TGFB1I1: variants seen among roughly 807,000 people sequenced by gnomAD.
TGFB1I1 encodes the protein transforming growth factor beta 1 induced transcript 1.
TGFB1I1 carries 33 observed loss-of-function variants against 52.0 expected under a neutral mutation model. The ratio of observed to expected loss-of-function variants is 0.63; its 90% CI spans 0.48 to 0.85. The LOEUF is 0.85. TGFB1I1 is among the 40% of genes least tolerant of loss of function. The pLI, the probability that TGFB1I1 is intolerant of heterozygous loss-of-function variation, is 0.00. For synonymous variants in TGFB1I1, 236 were observed against 253.3 expected (o/e 0.93, Z 0.65); for missense variants, 577 against 614.9 (o/e 0.94, Z 0.65).
rs45523034 is a variant in TGFB1I1, at chr16:31,473,263, G to T, written c.14-178G>T. The stretch of plus-strand genomic sequence containing the variant: ...CTTGGCTCCAAGCGTGAGCAACTGG[G>T]ATATTCTGGTCATAAATATTCCTTG... On this transcript the variant is annotated intron_variant, in intron 1 of 10. Transcript: ENST00000394863. 4,849 of 1,417,266 alleles carry T rather than the reference G, an allele frequency of 3.4e-3. 14 individuals carry two copies. The highest frequency in any genetic ancestry group is 4.1e-3 in the Non-Finnish European group (4,489 of 1,088,666). 87.8% of individuals were successfully genotyped at this position (1,417,266 alleles called of 1,614,324 possible).
chr16:31,476,919 C>T lies in TGFB1I1; in HGVS notation c.1028C>T (p.Ala343Val), dbSNP rs750700800. The change falls in exon 10 of 11, where the codon GCC (alanine) becomes GTC (valine). Residue 343 changes from alanine (A) to valine (V), a missense_variant. By Grantham distance (64) the Ala-to-Val change is moderately conservative. Coordinates refer to ENST00000394863, the MANE Select transcript of TGFB1I1 (RefSeq NM_001042454.3). This position sits in a 1 kb window ranked among gnomAD's most constrained non-coding sequence, Gnocchi z 7.6. Reference sequence around the variant, plus strand: ...CGCCGGGACTTCCTGCAGCTGTTCGCCCCGCGCTGCCAGGGCTGCCAGGGC... The same window carrying T: ...CGCCGGGACTTCCTGCAGCTGTTCGTCCCGCGCTGCCAGGGCTGCCAGGGC... ...YCRRDFLQLF[A>V]PRCQGCQGPI... The T allele has an allele frequency of 1.4e-5, 22 of 1,608,418 alleles. No homozygotes were observed. The highest frequency in any genetic ancestry group is 9.3e-6 in the Non-Finnish European group (11 of 1,179,190).
intron 1 of TGFB1I1, 77 bp from the exon 2 acceptor site, chr16:31,473,364 A>G: frequency 6.5e-7 from 1 of 1,528,168 alleles, no homozygotes; most frequent in Admixed American, 1.8e-5. Context: ...GTCCTTCTCC[A>G]GTACTGCCCA....
At position 31,477,498 on chromosome 16, in the gene TGFB1I1, C is replaced by A; in HGVS notation, c.1308C>A (p.Arg436=). 6.2e-7 allele frequency: 1 copy of A among 1,608,838 alleles called. No individual in the cohort carries two copies. Among genetic ancestry groups the A allele is most frequent in the Non-Finnish European group, 8.5e-7 (1 of 1,178,128 alleles). The change falls in exon 11 of 11, where the codon CGC becomes CGA. Residue 436 remains arginine (R), a synonymous_variant. Transcript: ENST00000394863. This position sits in a 1 kb window ranked among gnomAD's most constrained non-coding sequence, Gnocchi z 4.7. ...PDHFTCTFCL[R]PLTKGSFQER... is the part of the protein sequence containing the mutation. ...ACTTCACATGCACCTTCTGCCTGCG[C>A]CCGCTCACCAAGGGGTCCTTCCAGG...
rs1394073803 is a variant in TGFB1I1, at chr16:31,474,114, A to G, written c.326-38A>G. 1.2e-6 allele frequency: 2 copies of G among 1,612,322 alleles called. No homozygotes were observed. The highest frequency in any genetic ancestry group is 1.7e-5 in the Admixed American group (1 of 59,906). On this transcript the variant is annotated intron_variant, in intron 4 of 10. Transcript: ENST00000394863. This position sits in a 1 kb window ranked among gnomAD's most constrained non-coding sequence, Gnocchi z 4.2. ...CCTCAAGTGTGAGGGTGCGTTGAGC[A>G]TGGCCCTATATGTAGCGTCCTCCTC...
chr16:31,475,071 C>A (rs1368792421), intron 7 of TGFB1I1: 1 of 354,030 alleles, frequency 2.8e-6, no homozygotes, highest in Non-Finnish European at 5.3e-6. Flanking sequence ...TCTCAGGCAT[C>A]TACAAAGGCT....
At position 31,476,558 on chromosome 16, in the gene TGFB1I1, T is replaced by C. The variant is rs979285618; in HGVS notation, c.966T>C (p.Asp322=). 2.2e-5 allele frequency: 36 copies of C among 1,612,652 alleles called. No individual in the cohort carries two copies. Among genetic ancestry groups the C allele is most frequent in the Middle Eastern group, 1.6e-4 (1 of 6,078 alleles). ...TCAGTTGCGGGGAGCCCTTCGGAGA[T>C]GAGGGTGAGAGTGAACTCGACTCCC... ...CCVSCGEPFG[D]EGFHEREGRP... is the part of the protein sequence containing the mutation. Residue 322 remains aspartate, a synonymous_variant, in exon 9 of 11, where the codon GAT becomes GAC. Coordinates refer to ENST00000394863, the MANE Select transcript of TGFB1I1 (RefSeq NM_001042454.3). The surrounding 1 kb of genome is among the most constrained non-coding windows in gnomAD (Gnocchi z 7.6).
chr16:31,474,130 C>T lies in TGFB1I1; in HGVS notation c.326-22C>T, dbSNP rs754229186. ...GCGTTGAGCATGGCCCTATATGTAGCGTCCTCCTCTCCTCTCTCCAGATGA... is the reference window on the plus strand; with the variant it reads ...GCGTTGAGCATGGCCCTATATGTAGTGTCCTCCTCTCCTCTCTCCAGATGA... On this transcript the variant is annotated intron_variant, in intron 4 of 10. Transcript: ENST00000394863. This position sits in a 1 kb window ranked among gnomAD's most constrained non-coding sequence, Gnocchi z 4.2. The T allele has an allele frequency of 1.9e-6, 3 of 1,612,878 alleles. No homozygotes were observed. The highest frequency in any genetic ancestry group is 1.7e-6 in the Non-Finnish European group (2 of 1,179,168).
chr16:31,472,378 T>G, intron 1 of TGFB1I1, 177 bp downstream of exon 1: 1 of 1,044,518 alleles, frequency 9.6e-7, no homozygotes, highest in Non-Finnish European at 1.2e-6. Context: ...CTGCCTTTCC[T>G]GGGCCGGCCG....
At chr16:31,473,354 G>A in intron 1 of TGFB1I1, 87 bp from the exon 2 acceptor site, 1 of 1,508,668 alleles carries the variant, frequency 6.6e-7, no homozygotes, top group Non-Finnish European at 8.9e-7. Context: ...ACTGGCTTCT[G>A]TCCTTCTCCA....
chr16:31,473,825 T>C lies in TGFB1I1; in HGVS notation c.183-10T>C. ...CACCCCTGAACCCAGGCTCCCACTC[T>C]GCTTCCCAGCACGGTATGCAAGCCT... is the stretch of plus-strand genomic sequence containing the variant. On this transcript the variant is annotated splice_polypyrimidine_tract_variant and intron_variant, in intron 3 of 10. Transcript: ENST00000394863. 6.2e-7 allele frequency: 1 copy of C among 1,613,864 alleles called. No homozygotes were observed. The highest frequency in any genetic ancestry group is 1.7e-5 in the Admixed American group (1 of 59,996).
Position 31,474,877 on chromosome 16 carries a change from C to T in TGFB1I1, c.714+120C>T. On this transcript the variant is annotated intron_variant, in intron 7 of 10. Coordinates refer to ENST00000394863, the MANE Select transcript of TGFB1I1 (RefSeq NM_001042454.3). This position sits in a 1 kb window ranked among gnomAD's most constrained non-coding sequence, Gnocchi z 4.2. ...ATCTGGGAAGTGGGTATCATTATTA[C>T]TTATGTTTTATGGATGAGGAAACTG... The T allele has an allele frequency of 2.1e-6, 2 of 972,598 alleles. No homozygotes were observed. The highest frequency in any genetic ancestry group is 3.0e-6 in the Non-Finnish European group (2 of 662,998). The allele number at this position is 972,598 out of a possible 1,614,324, so 60.2% of individuals were successfully genotyped here.
chr16:31,472,166 G>C lies in TGFB1I1; in HGVS notation c.-23G>C. 1 of 1,173,620 alleles carries C rather than the reference G, an allele frequency of 8.5e-7. No individual in the cohort carries two copies. The highest frequency in any genetic ancestry group is 4.4e-5 in the East Asian group (1 of 22,776). 72.7% of individuals were successfully genotyped at this position (1,173,620 alleles called of 1,614,324 possible). A position where few individuals can be genotyped will look rare whatever the true frequency, so the allele number is the denominator to read the frequency against. On this transcript the variant is annotated 5_prime_UTR_variant, in exon 1 of 11. Transcript: ENST00000394863. ...ACACGGCCCCCGCCCTGTTCGCCCCGCGCCACCGGCCCGCGCCCCGCCATG... is the reference window on the plus strand; with the variant it reads ...ACACGGCCCCCGCCCTGTTCGCCCCCCGCCACCGGCCCGCGCCCCGCCATG...
rs777406337 is a variant in TGFB1I1, at chr16:31,476,983, C to T, written c.1092C>T (p.Leu364=). Residue 364 remains leucine (L), a synonymous_variant, in exon 10 of 11, where the codon CTC becomes CTT. Coordinates refer to ENST00000394863, the MANE Select transcript of TGFB1I1 (RefSeq NM_001042454.3). This position sits in a 1 kb window ranked among gnomAD's most constrained non-coding sequence, Gnocchi z 7.6. ...LDNYISALSA[L]WHPDCFVCRE... ...ACTACATCTCGGCGCTCAGCGCGCT[C>T]TGGCACCCGGACTGTTTCGTCTGCA... 6.3e-7 allele frequency: 1 copy of T among 1,592,942 alleles called. No homozygotes were observed. The highest frequency in any genetic ancestry group is 1.1e-5 in the South Asian group (1 of 89,256).
chr16:31,477,015 G>C lies in TGFB1I1; in HGVS notation c.1119+5G>C, dbSNP rs565693413. ...CCGGACTGTTTCGTCTGCAGGGTGCGAGCTGCGGGGCGGGGCGTTGGAGGG... is the reference window on the plus strand; with the variant it reads ...CCGGACTGTTTCGTCTGCAGGGTGCCAGCTGCGGGGCGGGGCGTTGGAGGG... On this transcript the variant is annotated splice_donor_5th_base_variant and intron_variant, in intron 10 of 10. Coordinates refer to ENST00000394863, the MANE Select transcript of TGFB1I1 (RefSeq NM_001042454.3). This position sits in a 1 kb window ranked among gnomAD's most constrained non-coding sequence, Gnocchi z 4.7. The C allele has an allele frequency of 1.3e-6, 2 of 1,572,438 alleles. No individual in the cohort carries two copies. The highest frequency in any genetic ancestry group is 2.3e-5 in the East Asian group (1 of 43,340).
At chr16:31,472,393 C>G in intron 1 of TGFB1I1, 192 bp downstream of exon 1, 1 of 1,058,142 alleles carries the variant, frequency 9.5e-7, no homozygotes. Context: ...CGGCCGCTCC[C>G]TCCCTTCTTC....
In TGFB1I1 at chr16:31,477,523, G is replaced by A; in HGVS notation, c.1333G>A (p.Glu445Lys). The change falls in exon 11 of 11, where the codon GAG becomes AAG. Residue 445 changes from glutamate to lysine, a missense_variant. Around this residue, in one of 3 missense-constraint regions of TGFB1I1, gnomAD observed 456 missense variants for 461.6 expected, o/e 0.99. Transcript: ENST00000394863. The surrounding 1 kb of genome is among the most constrained non-coding windows in gnomAD (Gnocchi z 4.7). ...CCCGCTCACCAAGGGGTCCTTCCAG[G>A]AGCGCGCCGGCAAGCCCTACTGCCA... The part of the protein sequence containing the change: ...LRPLTKGSFQ[E>K]RAGKPYCQPC... 1 of 1,609,786 alleles carries A rather than the reference G, an allele frequency of 6.2e-7. No individual in the cohort carries two copies. The highest frequency in any genetic ancestry group is 1.3e-5 in the African/African-American group (1 of 74,976).
At chr16:31,474,000 C>A (rs1242917366) in intron 4 of TGFB1I1, 23 bp downstream of exon 4, 1 of 1,613,664 alleles carries the variant, frequency 6.2e-7, no homozygotes, top group Admixed American at 1.7e-5. Context: ...CTGAGAGAGG[C>A]CTTGATGCGA....
Position 31,477,132 on chromosome 16 carries a change from C to T in TGFB1I1, c.1119+122C>T. The T allele has an allele frequency of 2.2e-6, 3 of 1,390,230 alleles. No individual in the cohort carries two copies. The highest frequency in any genetic ancestry group is 2.5e-5 in the East Asian group (1 of 39,750). The allele number at this position is 1,390,230 out of a possible 1,614,324, so 86.1% of individuals were successfully genotyped here. On this transcript the variant is annotated intron_variant, in intron 10 of 10. Coordinates refer to ENST00000394863, the MANE Select transcript of TGFB1I1 (RefSeq NM_001042454.3). This position sits in a 1 kb window ranked among gnomAD's most constrained non-coding sequence, Gnocchi z 4.7. Reference sequence around the variant, plus strand: ...GGCGGGCCCTCGGGGGGGCGGGTCACGGGAGGTGCTGCTAGGAACCTCGGG... The same window carrying T: ...GGCGGGCCCTCGGGGGGGCGGGTCATGGGAGGTGCTGCTAGGAACCTCGGG...
In TGFB1I1 at chr16:31,477,103, A is replaced by C; in HGVS notation, c.1119+93A>C. The C allele has an allele frequency of 9.0e-6, 3 of 334,930 alleles. No individual in the cohort carries two copies. Among genetic ancestry groups the C allele is most frequent in the Non-Finnish European group, 1.5e-5 (3 of 206,298 alleles). 20.7% of individuals were successfully genotyped at this position (334,930 alleles called of 1,614,324 possible). A position where few individuals can be genotyped will look rare whatever the true frequency, so the allele number is the denominator to read the frequency against. On this transcript the variant is annotated intron_variant, in intron 10 of 10. Coordinates refer to ENST00000394863, the MANE Select transcript of TGFB1I1 (RefSeq NM_001042454.3). The surrounding 1 kb of genome is among the most constrained non-coding windows in gnomAD (Gnocchi z 4.7). ...GAGGGGCGGGTCAAGGGTGCAGGGC[A>C]GGGGGCGGGCCCTCGGGGGGGCGGG...
Sources: gnomAD v4.1 joint callset for allele counts on GRCh38, gnomAD v4.1.1 for gene constraint, gnomAD v4.1.1 regional missense constraint, Gnocchi (gnomAD v3.1) non-coding constraint, MANE v1.5 for transcripts, NCBI Gene and HGNC (gene_info 2026-07-23, HGNC 2026-07-21) for gene names.